AHNAK2: variants seen among roughly 807,000 people sequenced by gnomAD.
The protein encoded by AHNAK2 is protein AHNAK2.
AHNAK2 carries 18 observed loss-of-function variants against 30.7 expected under a neutral mutation model. The observed-to-expected ratio is 0.59, with a 90% CI of 0.41 to 0.87. The LOEUF is 0.87. Among genes scored for constraint, AHNAK2 ranks in the 40% least tolerant of loss-of-function variants. The pLI is 0.00. For missense variants in AHNAK2, 8,604 were observed against 7,373.0 expected, an observed-to-expected ratio of 1.17 and a Z score of -6.11; for synonymous variants, 3,590 against 3,073.8, an observed-to-expected ratio of 1.17 and a Z score of -5.56.
At chr14:104,961,412 G>A (rs1899138389) in intron 1 of AHNAK2, among the ~76,000 whole-genome samples, 1 of 151,286 alleles carries the variant, frequency 6.6e-6, no homozygotes, top group Non-Finnish European at 1.5e-5. Context: ...TACTCGGGAG[G>A]CTGAGGCAGG....
chr14:104,957,514 G>T lies in AHNAK2; in HGVS notation c.115-6C>A. On this transcript the variant is annotated splice_region_variant and splice_polypyrimidine_tract_variant and intron_variant, in intron 2 of 6. Transcript: ENST00000333244. Reference sequence around the variant, plus strand: ...TCCGCAGGCCCTTCAGTCACCTGACGGGAGAGAATCCAGTTATTTTTGCCA... The same window carrying T: ...TCCGCAGGCCCTTCAGTCACCTGACTGGAGAGAATCCAGTTATTTTTGCCA... The T allele has an allele frequency of 6.3e-7, 1 of 1,595,266 alleles. No individual in the cohort carries two copies. The highest frequency in any genetic ancestry group is 8.5e-7 in the Non-Finnish European group (1 of 1,170,160).
rs563334598 is a variant in AHNAK2, at chr14:104,966,607, A to G, written c.56-8935T>C. 2.0e-5 allele frequency among the ~76,000 whole-genome samples: 3 copies of G among 151,634 alleles called. No homozygotes were observed. The highest frequency in any genetic ancestry group is 1.3e-4 in the Admixed American group (2 of 15,242). On this transcript the variant is annotated intron_variant, in intron 1 of 6. Transcript: ENST00000333244. The surrounding 1 kb of genome is among the most constrained non-coding windows in gnomAD (Gnocchi z 4.3). ...CGCTCTGCCTCCCAGATGGCTGCCA[A>G]ACCCTCCACTCCTTGCCCACCTGCC...
In AHNAK2 at chr14:104,948,431, T is replaced by G. The variant is rs573759869; in HGVS notation, c.7020A>C (p.Ser2340=). The stretch of plus-strand genomic sequence containing the variant: ...CCACCTTCAACGCAGACACATCCGC[T>G]GAGGCCTCGATGGACTTGCCAAGGG... ...VSALGKSIEA[S]ADVSALKVEA... is the part of the protein sequence containing the mutation. The change falls in exon 7 of 7, where the codon TCA becomes TCC. Residue 2340 remains serine (S), a synonymous_variant. Coordinates refer to ENST00000333244, the MANE Select transcript of AHNAK2 (RefSeq NM_138420.4). The G allele has an allele frequency of 3.1e-6, 5 of 1,606,608 alleles. No homozygotes were observed. Among genetic ancestry groups the G allele is most frequent in the Non-Finnish European group, 4.2e-6 (5 of 1,177,386 alleles).
rs1375645030 is a variant in AHNAK2 at position 104,945,084 on chromosome 14, T to G, written c.10367A>C (p.Glu3456Ala). 10 of 1,613,012 alleles carry G rather than the reference T, an allele frequency of 6.2e-6. No homozygotes were observed. Among genetic ancestry groups the G allele is most frequent in the African/African-American group, 1.3e-5 (1 of 74,606 alleles). The part of the protein sequence containing the change: ...PRAKLDGARL[E>A]GDLSLAEKDV... ...CTTTTCAGCCAGGGACAGGTCCCCC[T>G]CCAGCCGCGCACCATCCAGCTTGGC... Residue 3456 changes from glutamate to alanine, a missense_variant, in exon 7 of 7, where the codon GAG becomes GCG. Transcript: ENST00000333244.
intron 1 of AHNAK2, among the ~76,000 whole-genome samples, chr14:104,977,422 G>A (rs963756452): frequency 6.6e-6 from 1 of 152,144 alleles, no homozygotes; most frequent in East Asian, 1.9e-4. Flanking sequence ...CGTAGCCTGC[G>A]GCTCAGAGGG....
In AHNAK2 at chr14:104,944,415, C is replaced by A. The variant is rs763817733; in HGVS notation, c.11036G>T (p.Gly3679Val). Reference sequence around the variant, plus strand: ...GCTGAGGTCAGTGGTCTTCAGGTCCCCCTGCATGGAGGGGAGACTCACATC... The same window carrying A: ...GCTGAGGTCAGTGGTCTTCAGGTCCACCTGCATGGAGGGGAGACTCACATC... The part of the protein sequence containing the change: ...EADVSLPSMQ[G>V]DLKTTDLSIQ... Residue 3679 changes from glycine (G) to valine (V), a missense_variant, in exon 7 of 7, where the codon GGG (glycine) becomes GTG (valine). Gly to Val is a moderately radical substitution (Grantham distance 109). Transcript: ENST00000333244. 15 of 1,612,844 alleles carry A rather than the reference C, an allele frequency of 9.3e-6. No individual in the cohort carries two copies. The highest frequency in any genetic ancestry group is 1.6e-4 in the Middle Eastern group (1 of 6,078).
chr14:104,970,534 T>G, intron 1 of AHNAK2: 1 of 985,470 alleles, frequency 1.0e-6, no homozygotes, highest in Non-Finnish European at 1.2e-6. Flanking sequence ...CACGCCCGGT[T>G]CTTCCCTCCA....
rs770278756 is a variant in AHNAK2, at chr14:104,939,823, C to T, written c.15628G>A (p.Ala5210Thr). The change falls in exon 7 of 7, where the codon GCT (alanine) becomes ACT (threonine). Residue 5210 changes from alanine to threonine, a missense_variant. Coordinates refer to ENST00000333244, the MANE Select transcript of AHNAK2 (RefSeq NM_138420.4). ...LRRSFRDRGG[A>T]GKLEVAQTQA... ...GTCTGAGCCACTTCCAGCTTTCCAG[C>T]CCCGCCTCTGTCCCTGAAAGAGCGC... is the stretch of plus-strand genomic sequence containing the variant. The T allele has an allele frequency of 4.3e-6, 7 of 1,613,692 alleles. No individual in the cohort carries two copies. Among genetic ancestry groups the T allele is most frequent in the Admixed American group, 3.3e-5 (2 of 60,010 alleles).
At position 104,944,049 on chromosome 14, in the gene AHNAK2, C is replaced by T; in HGVS notation, c.11402G>A (p.Ser3801Asn). 2 of 1,613,384 alleles carry T rather than the reference C, an allele frequency of 1.2e-6. No individual in the cohort carries two copies. The highest frequency in any genetic ancestry group is 1.7e-5 in the Admixed American group (1 of 59,976). Residue 3801 changes from serine to asparagine, a missense_variant, in exon 7 of 7, where the codon AGC becomes AAC. Coordinates refer to ENST00000333244, the MANE Select transcript of AHNAK2 (RefSeq NM_138420.4). ...LADKDVTAKD[S>N]KFKMPKFKMP... ...CTTGAACTTGGGCATTTTGAATTTGCTGTCTTTGGCAGTCACATCCTTGTC... is the reference window on the plus strand; with the variant it reads ...CTTGAACTTGGGCATTTTGAATTTGTTGTCTTTGGCAGTCACATCCTTGTC...
At position 104,949,701 on chromosome 14, in the gene AHNAK2, G is replaced by T. The variant is rs1257698148; in HGVS notation, c.5750C>A (p.Pro1917His). The T allele has an allele frequency of 1.3e-6, 2 of 1,586,930 alleles. No individual in the cohort carries two copies. Among genetic ancestry groups the T allele is most frequent in the Non-Finnish European group, 1.7e-6 (2 of 1,162,806 alleles). The change falls in exon 7 of 7, where the codon CCC becomes CAC. Residue 1917 changes from proline (P) to histidine (H), a missense_variant. By Grantham distance (77) the Pro-to-His change is moderately conservative. Coordinates refer to ENST00000333244, the MANE Select transcript of AHNAK2 (RefSeq NM_138420.4). Reference sequence around the variant, plus strand: ...CTGGGGGCCCTTGAGGTCCACTTTGGGCATCTTGAAACTGGGCATATCCAC... The same window carrying T: ...CTGGGGGCCCTTGAGGTCCACTTTGTGCATCTTGAAACTGGGCATATCCAC... ...PKVDMPSFKM[P>H]KVDLKGPQTD...
In AHNAK2 at chr14:104,941,917, G is replaced by A. The variant is rs200730846; in HGVS notation, c.13534C>T (p.Arg4512Cys). Residue 4512 changes from arginine to cysteine, a missense_variant, in exon 7 of 7, where the codon CGC becomes TGC. Arg to Cys is a radical substitution (Grantham distance 180). Transcript: ENST00000333244. ...MQGDLKTTDL[R>C]IQAPSADLEV... Reference sequence around the variant, plus strand: ...AGGTCGGCGGAAGGGGCCTGAATGCGGAGGTCAGTGGTCTTGAGGTCCCCC... The same window carrying A: ...AGGTCGGCGGAAGGGGCCTGAATGCAGAGGTCAGTGGTCTTGAGGTCCCCC... The A allele has an allele frequency of 8.8e-5, 142 of 1,612,604 alleles. No individual in the cohort carries two copies. The highest frequency in any genetic ancestry group is 1.7e-4 in the Admixed American group (10 of 59,908).
Position 104,948,878 on chromosome 14 carries a change from G to A in AHNAK2, c.6573C>T (p.Ser2191=). ...CAGTGGTCTTGAGGTCCCCCTGCATGGAGGGGAGACTCATGTCGGCCTCCA... is the reference window on the plus strand; with the variant it reads ...CAGTGGTCTTGAGGTCCCCCTGCATAGAGGGGAGACTCATGTCGGCCTCCA... ...PKVEADMSLP[S]MQGDLKTTDL... Residue 2191 remains serine (S), a synonymous_variant, in exon 7 of 7, where the codon TCC becomes TCT. Coordinates refer to ENST00000333244, the MANE Select transcript of AHNAK2 (RefSeq NM_138420.4). 1 of 1,609,822 alleles carries A rather than the reference G, an allele frequency of 6.2e-7. No individual in the cohort carries two copies. The highest frequency in any genetic ancestry group is 8.5e-7 in the Non-Finnish European group (1 of 1,178,330).
rs775864026 is a variant in AHNAK2 at position 104,957,614 on chromosome 14, A to G, written c.114T>C (p.Ser38=). 6.8e-6 allele frequency: 11 copies of G among 1,610,776 alleles called. No individual in the cohort carries two copies. The African/African-American group carries it at 1.2e-4, about 18-fold the overall frequency. ...CACACTTCCTCCTGCTCTCACTTAC[A>G]GAGTGGTCATCTTCCGTTTCTGCAC... ...EPGAETEDDH[S]VTEGPADEGI... The change falls in exon 2 of 7, where the codon TCT becomes TCC. Residue 38 remains serine, a splice_region_variant and synonymous_variant. Transcript: ENST00000333244.
Position 104,937,626 on chromosome 14 carries a change from G to T in AHNAK2, c.*437C>A, listed in dbSNP as rs1381144204. 6.2e-6 allele frequency: 1 copy of T among 161,716 alleles called. No homozygotes were observed. The highest frequency in any genetic ancestry group is 1.8e-4 in the East Asian group (1 of 5,496). The allele number at this position is 161,716 out of a possible 1,614,324, so 10.0% of individuals were successfully genotyped here. On this transcript the variant is annotated 3_prime_UTR_variant, in exon 7 of 7. Transcript: ENST00000333244. The stretch of plus-strand genomic sequence containing the variant: ...ACTCTGCCTGAAATAGGAAAACTAT[G>T]TTTGCCGGGAAGCAGCAGCAGCAGG...
intron 1 of AHNAK2, among the ~76,000 whole-genome samples, chr14:104,960,641 G>A (rs1277948870): frequency 6.6e-6 from 1 of 152,150 alleles, no homozygotes; most frequent in Non-Finnish European, 1.5e-5. Flanking sequence ...GCTGGGAGTG[G>A]GAAGGGAGAT....
chr14:104,959,062 T>A (rs1441049611), intron 1 of AHNAK2, among the ~76,000 whole-genome samples: 1 of 152,228 alleles, frequency 6.6e-6, no homozygotes, highest in Non-Finnish European at 1.5e-5. Context: ...AGTCTGGGCA[T>A]GCTGGCTTAT....
intron 1 of AHNAK2, among the ~76,000 whole-genome samples, chr14:104,972,372 C>T (rs1899490316): frequency 6.6e-6 from 1 of 152,146 alleles, no homozygotes; most frequent in Non-Finnish European, 1.5e-5. Context: ...ACCTGACACC[C>T]ACACTCAGCC....
Position 104,943,594 on chromosome 14 carries a change from C to A in AHNAK2, c.11857G>T (p.Asp3953Tyr), listed in dbSNP as rs775373086. 2.7e-5 allele frequency: 44 copies of A among 1,613,178 alleles called. No homozygotes were observed. The highest frequency in any genetic ancestry group is 3.7e-5 in the Non-Finnish European group (44 of 1,179,652). Residue 3953 changes from aspartate to tyrosine, a missense_variant, in exon 7 of 7, where the codon GAC (aspartate) becomes TAC (tyrosine). Transcript: ENST00000333244. ...AKLDGARLEG[D>Y]LSLADKDMTA... ...ATGTCCTTGTCGGCCAGGGACAGGT[C>A]CCCCTCCAGCCGCGCACCATCCAGC...
chr14:104,965,538 A>C (rs1266416015), intron 1 of AHNAK2, among the ~76,000 whole-genome samples: 1 of 152,144 alleles, frequency 6.6e-6, no homozygotes, highest in African/African-American at 2.4e-5. Flanking sequence ...AAACAGTACC[A>C]ATCTTACGCC....
Sources: allele counts gnomAD v4.1 joint callset (sites outside exome capture counted in the v4.1 genomes callset), GRCh38; gene constraint gnomAD v4.1.1; non-coding constraint Gnocchi (gnomAD v3.1); transcripts MANE v1.5; gene names NCBI Gene and HGNC (gene_info 2026-07-23, HGNC 2026-07-21).